Variants in CMSS1 observed in about 807,000 individuals in gnomAD.
CMSS1 encodes the protein protein CMSS1.
CMSS1 carries 33 observed loss-of-function variants against 43.5 expected under a neutral mutation model. The observed-to-expected ratio is 0.76, with a 90% CI of 0.57 to 1.01. The LOEUF is 1.01. CMSS1 is among the 50% of genes least tolerant of loss of function. The pLI is 0.00. For synonymous variants in CMSS1, 115 were observed against 117.2 expected (o/e 0.98, Z 0.12); for missense variants, 313 against 326.4 (o/e 0.96, Z 0.32).
chr3:99,915,153 A>G (rs1424199767), intron 1 of CMSS1, among the ~76,000 whole-genome samples: 1 of 152,128 alleles, frequency 6.6e-6, no homozygotes, highest in East Asian at 1.9e-4. Flanking sequence ...CCTCATCAAA[A>G]TGGGCTTGTC....
intron 1 of CMSS1, among the ~76,000 whole-genome samples, chr3:100,043,898 A>G (rs2107298507): frequency 6.6e-6 from 1 of 152,260 alleles, no homozygotes; most frequent in Non-Finnish European, 1.5e-5. Context: ...TGCAATAGAG[A>G]TCAGCTTTTT....
At chr3:99,895,808 A>G (rs1706231883) in intron 1 of CMSS1, among the ~76,000 whole-genome samples, 1 of 152,192 alleles carries the variant, frequency 6.6e-6, no homozygotes, top group South Asian at 2.1e-4. Context: ...CTTCACCCAT[A>G]GAATAGGTGC....
intron 1 of CMSS1, among the ~76,000 whole-genome samples, chr3:100,022,303 T>G (rs2064840134): frequency 6.6e-6 from 1 of 152,184 alleles, no homozygotes; most frequent in Non-Finnish European, 1.5e-5. Flanking sequence ...ACCACCACCC[T>G]AAGTTGAGCC....
At chr3:100,064,633 G>A (rs1306555523) in intron 1 of CMSS1, among the ~76,000 whole-genome samples, 1 of 152,170 alleles carries the variant, frequency 6.6e-6, no homozygotes, top group African/African-American at 2.4e-5. Flanking sequence ...ACTGGCAAAA[G>A]GGCTTGGAAA....
At position 99,980,763 on chromosome 3, in the gene CMSS1, A is replaced by G. The variant is rs377534055; in HGVS notation, c.64+162720A>G. Among the ~76,000 whole-genome samples the G allele has an allele frequency of 3.9e-5, 6 of 152,252 alleles. No individual in the cohort carries two copies. In the South Asian group the frequency reaches 1.2e-3, roughly 32 times the overall value. ...TCACTGTTATCCGTTCTGCATTATT[A>G]TTAGTTACAGGTGTGACTTGTTTAA... On this transcript the variant is annotated intron_variant, in intron 1 of 9. Transcript: ENST00000421999.
intron 1 of CMSS1, among the ~76,000 whole-genome samples, chr3:100,057,199 A>T (rs1342117761): frequency 6.6e-6 from 1 of 152,148 alleles, no homozygotes; most frequent in Non-Finnish European, 1.5e-5. Flanking sequence ...CTGCCCCTCC[A>T]GTGGACTAGG....
chr3:100,171,720 C>T (rs1170529489), intron 6 of CMSS1, 119 bp from the exon 7 acceptor site: 1 of 754,928 alleles, frequency 1.3e-6, no homozygotes, highest in East Asian at 2.6e-5. Flanking sequence ...TGTACATATG[C>T]ACATATATAC....
chr3:100,111,524 G>C (rs1468097455), intron 1 of CMSS1, among the ~76,000 whole-genome samples: 1 of 152,116 alleles, frequency 6.6e-6, no homozygotes, highest in Non-Finnish European at 1.5e-5. Flanking sequence ...ACACCTTGTA[G>C]GTATAAATGA....
intron 2 of CMSS1, among the ~76,000 whole-genome samples, chr3:100,157,712 T>C (rs551752226): frequency 5.9e-5 from 9 of 152,318 alleles, no homozygotes; most frequent in African/African-American, 1.7e-4. Context: ...GCCTTGATCC[T>C]CTTGATGTCT....
chr3:99,902,226 G>T lies in CMSS1; in HGVS notation c.64+84183G>T, dbSNP rs556641630. On this transcript the variant is annotated intron_variant, in intron 1 of 9. Coordinates refer to ENST00000421999, the MANE Select transcript of CMSS1 (RefSeq NM_032359.4). ...TCTTAGTACCATGTGACATTTTTTT[G>T]AGTAGGAATTTGGGGGCATGGTCTC... Among the ~76,000 whole-genome samples, 10 of 152,108 alleles carry T rather than the reference G, an allele frequency of 6.6e-5. No individual in the cohort carries two copies. In the East Asian group the frequency reaches 1.5e-3, roughly 23 times the overall value.
At chr3:100,116,674 G>C (rs1303376266) in intron 1 of CMSS1, among the ~76,000 whole-genome samples, 1 of 152,166 alleles carries the variant, frequency 6.6e-6, no homozygotes, top group Non-Finnish European at 1.5e-5. Context: ...AAGACTATGA[G>C]ATCACACTGA....
intron 1 of CMSS1, among the ~76,000 whole-genome samples, chr3:99,890,797 G>A (rs2107614180): frequency 6.7e-6 from 1 of 150,196 alleles, no homozygotes; most frequent in South Asian, 2.1e-4. Flanking sequence ...TGAGGTCTTT[G>A]CAGCTCTGAT....
intron 1 of CMSS1, among the ~76,000 whole-genome samples, chr3:99,967,257 T>C (rs903877396): frequency 6.6e-6 from 1 of 152,184 alleles, no homozygotes; most frequent in East Asian, 1.9e-4. Flanking sequence ...TAATAGTCCC[T>C]CTGATATTAA....
chr3:99,875,739 A>G (rs943450932), intron 1 of CMSS1, among the ~76,000 whole-genome samples: 10 of 152,150 alleles, frequency 6.6e-5, no homozygotes, highest in African/African-American at 2.4e-4. Flanking sequence ...GCAGTACAAT[A>G]TAGTCTCCCC....
intron 2 of CMSS1, 84 bp from the exon 3 acceptor site, chr3:100,160,346 G>C: frequency 1.4e-6 from 1 of 696,210 alleles, no homozygotes; most frequent in Non-Finnish European, 2.6e-6. Flanking sequence ...TACATGCATG[G>C]CAGAAAGTAC....
chr3:99,910,617 GA>G (rs1289867262), intron 1 of CMSS1, among the ~76,000 whole-genome samples: 3 of 135,860 alleles, frequency 2.2e-5, no homozygotes, highest in African/African-American at 7.5e-5. Context: ...CCCTTAGGCT[GA>G]AAAAAAGTAA....
chr3:100,121,655 TG>T (rs1427146252), intron 1 of CMSS1, among the ~76,000 whole-genome samples: 2 of 152,138 alleles, frequency 1.3e-5, no homozygotes, highest in Non-Finnish European at 2.9e-5. Context: ...TGCCCGGTAA[TG>T]GGATTACTGG....
At chr3:99,833,195 T>C in intron 1 of CMSS1, 1 of 1,587,882 alleles carries the variant, frequency 6.3e-7, no homozygotes, top group Non-Finnish European at 8.6e-7. Context: ...ACATGAAGAC[T>C]GGGATTTGGA....
At position 99,870,481 on chromosome 3, in the gene CMSS1, A is replaced by G. The variant is rs866874114; in HGVS notation, c.64+52438A>G. On this transcript the variant is annotated intron_variant, in intron 1 of 9. Transcript: ENST00000421999. ...ACCAGTCAATTAAAATAGAGCAGGGATGGGACCATAATTGAAGTTGTTGTC... is the reference window on the plus strand; with the variant it reads ...ACCAGTCAATTAAAATAGAGCAGGGGTGGGACCATAATTGAAGTTGTTGTC... Among the ~76,000 whole-genome samples the G allele has an allele frequency of 1.5e-4, 23 of 152,320 alleles. No homozygotes were observed. In the Middle Eastern group the frequency reaches 0.01, roughly 68 times the overall value.
Sources: gnomAD v4.1 joint callset for allele counts (sites outside exome capture counted in the v4.1 genomes callset) on GRCh38, gnomAD v4.1.1 for gene constraint, MANE v1.5 for transcripts, NCBI Gene and HGNC (gene_info 2026-07-23, HGNC 2026-07-21) for gene names.